APOBEC1: variants seen among roughly 807,000 people sequenced by gnomAD.
APOBEC1 encodes the protein apolipoprotein B mRNA editing enzyme catalytic subunit 1.
APOBEC1 carries 22 observed loss-of-function variants against 26.3 expected under a neutral mutation model. The ratio of observed to expected loss-of-function variants is 0.84; its 90% CI spans 0.60 to 1.19. The LOEUF (loss-of-function observed/expected upper bound fraction) is 1.19. APOBEC1 is among the 50% of genes most tolerant of loss of function. The pLI is 0.00. For missense variants in APOBEC1, 253 were observed against 289.0 expected (o/e 0.88, Z 0.90); for synonymous variants, 77 against 95.3 (o/e 0.81, Z 1.12).
At chr12:7,651,442 G>A (rs1244671146) in intron 3 of APOBEC1, among the ~76,000 whole-genome samples, 2 of 151,756 alleles carry the variant, frequency 1.3e-5, no homozygotes, top group Non-Finnish European at 2.9e-5. Context: ...GTGAAACCCC[G>A]TCTCTACTAA....
At chr12:7,666,198 G>A (rs1863889987), upstream of APOBEC1, among the ~76,000 whole-genome samples, 1 of 152,074 alleles carries the variant, frequency 6.6e-6, no homozygotes, top group African/African-American at 2.4e-5. Flanking sequence ...TTTAAATAAA[G>A]ATTAAGGCAA....
chr12:7,659,534 G>A (rs181900827), intron 1 of APOBEC1, among the ~76,000 whole-genome samples: 27 of 151,580 alleles, frequency 1.8e-4, no homozygotes, highest in African/African-American at 6.3e-4. Flanking sequence ...AGGTGTGCGT[G>A]CACAGACACG....
intron 1 of APOBEC1, among the ~76,000 whole-genome samples, chr12:7,662,546 G>A (rs1227190808): frequency 6.6e-6 from 1 of 152,116 alleles, no homozygotes; most frequent in East Asian, 1.9e-4. Flanking sequence ...TCACACCATT[G>A]CACTCTAGCC....
intron 1 of APOBEC1, among the ~76,000 whole-genome samples, chr12:7,665,007 C>T (rs759205004): frequency 6.6e-6 from 1 of 152,198 alleles, no homozygotes; most frequent in East Asian, 1.9e-4. Flanking sequence ...GAGTTCCAGA[C>T]CAGCCTGGGC....
At chr12:7,662,092 A>G (rs1386139749) in intron 1 of APOBEC1, among the ~76,000 whole-genome samples, 2 of 40,716 alleles carry the variant, frequency 4.9e-5, no homozygotes, top group Non-Finnish European at 3.2e-4. Flanking sequence ...AAACAAAACA[A>G]AACAAAACCA....
At chr12:7,667,197 C>T (rs1324289431), upstream of APOBEC1, among the ~76,000 whole-genome samples, 4 of 152,122 alleles carry the variant, frequency 2.6e-5, no homozygotes, top group African/African-American at 9.7e-5. Context: ...CAGGCGTGAG[C>T]CACCTCTCCC....
chr12:7,662,121 C>T (rs61937010), intron 1 of APOBEC1, among the ~76,000 whole-genome samples: 2,681 of 152,058 alleles, frequency 0.018, 27 homozygotes, highest in African/African-American at 0.026. Flanking sequence ...TTAAATTAGC[C>T]GGGCATGGTG....
At chr12:7,654,677 A>C in intron 1 of APOBEC1, 45 bp from the exon 2 acceptor site, 1 of 1,593,744 alleles carries the variant, frequency 6.3e-7, no homozygotes, top group East Asian at 2.2e-5. Context: ...TCAAATATCA[A>C]ATGAGTTGCT....
At chr12:7,652,898 C>G in intron 2 of APOBEC1, 63 bp from the exon 3 acceptor site, 1 of 1,267,626 alleles carries the variant, frequency 7.9e-7, no homozygotes. Flanking sequence ...GAAATCTTTT[C>G]CTGCTCCCCT....
intron 1 of APOBEC1, among the ~76,000 whole-genome samples, chr12:7,661,951 A>G (rs61937009): frequency 0.011 from 1,632 of 152,312 alleles, 11 homozygotes; most frequent in South Asian, 0.022. Flanking sequence ...TCCCTTAGTC[A>G]AAAGAGTCCC....
chr12:7,660,647 G>A (rs976282661), intron 1 of APOBEC1, among the ~76,000 whole-genome samples: 1 of 146,072 alleles, frequency 6.8e-6, no homozygotes, highest in Non-Finnish European at 1.5e-5. Context: ...AGCTTGCAGT[G>A]AGCCAAGAAT....
At chr12:7,666,079 T>A (rs1863889161), upstream of APOBEC1, among the ~76,000 whole-genome samples, 2 of 152,192 alleles carry the variant, frequency 1.3e-5, no homozygotes, top group Non-Finnish European at 2.9e-5. Flanking sequence ...GCATCTTTAG[T>A]GATGAGAAAG....
At chr12:7,669,971 C>T (rs2136863570), upstream of APOBEC1, among the ~76,000 whole-genome samples, 1 of 151,794 alleles carries the variant, frequency 6.6e-6, no homozygotes, top group East Asian at 1.9e-4. Flanking sequence ...TGTCTTCCCT[C>T]CCTACCTCGC....
chr12:7,660,372 G>GAA (rs1339806880), intron 1 of APOBEC1, among the ~76,000 whole-genome samples: 1 of 97,038 alleles, frequency 1.0e-5, no homozygotes, highest in African/African-American at 4.5e-5. Flanking sequence ...AGGAAGGAAG[G>GAA]AAGGAAAGAA....
chr12:7,661,100 G>A (rs1381836140), intron 1 of APOBEC1, among the ~76,000 whole-genome samples: 3 of 151,562 alleles, frequency 2.0e-5, no homozygotes, highest in African/African-American at 7.3e-5. Flanking sequence ...CAGCTACTCG[G>A]GAGGCTGCAG....
chr12:7,660,373 A>AC (rs1565442364), intron 1 of APOBEC1, among the ~76,000 whole-genome samples: 17 of 103,458 alleles, frequency 1.6e-4, no homozygotes, highest in East Asian at 2.5e-4. Context: ...GGAAGGAAGG[A>AC]AGGAAAGAAA....
At chr12:7,667,597 G>A (rs185324991), upstream of APOBEC1, among the ~76,000 whole-genome samples, 327 of 152,234 alleles carry the variant, frequency 2.1e-3, 3 homozygotes, top group South Asian at 4.4e-3. Flanking sequence ...TCTAAGTTAG[G>A]TAAGAGTAGA....
chr12:7,661,957 GT>G (rs1459684222), intron 1 of APOBEC1, among the ~76,000 whole-genome samples: 1 of 152,192 alleles, frequency 6.6e-6, no homozygotes, highest in Admixed American at 6.5e-5. Flanking sequence ...AGTCAAAAGA[GT>G]CCCTGGCTGG....
chr12:7,667,861 G>A (rs960304476), upstream of APOBEC1, among the ~76,000 whole-genome samples: 2 of 144,036 alleles, frequency 1.4e-5, no homozygotes, highest in Non-Finnish European at 1.5e-5. Flanking sequence ...GCAGTTAGCC[G>A]AGATCTCACC....
Sources: allele counts gnomAD v4.1 joint callset (sites outside exome capture counted in the v4.1 genomes callset), GRCh38; gene constraint gnomAD v4.1.1; transcripts MANE v1.5; gene names NCBI Gene and HGNC (gene_info 2026-07-23, HGNC 2026-07-21).